GRIA4: variants seen among roughly 807,000 people sequenced by gnomAD.
The protein encoded by GRIA4 is glutamate ionotropic receptor AMPA type subunit 4, also known as glutamate receptor 4.
A neutral mutation model predicts 104.0 loss-of-function variants in GRIA4; 34 were observed. The observed-to-expected ratio is 0.33, with a 90% confidence interval of 0.25 to 0.44. GRIA4 has a LOEUF of 0.44. Ranked by LOEUF, GRIA4 falls within the 20% of genes least tolerant of loss-of-function variation. The probability of loss-of-function intolerance (pLI) is 1.00; values close to 1 mark genes in which losing one functional copy is unlikely to be tolerated. For missense variants in GRIA4, 750 were observed against 1,096.5 expected, an observed-to-expected ratio of 0.68 and a Z score of 4.46; for synonymous variants, 386 against 381.9, an observed-to-expected ratio of 1.01 and a Z score of -0.13.
chr11:105,780,331 G>C (rs1336208898), intron 4 of GRIA4, among the ~76,000 whole-genome samples: 1 of 152,082 alleles, frequency 6.6e-6, no homozygotes, highest in Non-Finnish European at 1.5e-5. Flanking sequence ...CTAATAATCT[G>C]ATGAATTAAG....
chr11:105,720,961 G>A (rs1056131344), intron 3 of GRIA4, among the ~76,000 whole-genome samples: 4 of 152,176 alleles, frequency 2.6e-5, no homozygotes, highest in African/African-American at 9.7e-5. Flanking sequence ...TAGAAAGGCT[G>A]TTGGTTCCCA....
At chr11:105,866,439 GTGTT>G (rs1353607138) in intron 5 of GRIA4, among the ~76,000 whole-genome samples, 9 of 150,968 alleles carry the variant, frequency 6.0e-5, no homozygotes, top group Non-Finnish European at 8.9e-5. Context: ...TTGTGTGTGT[GTGTT>G]TGTGTGTGTG....
At chr11:105,763,495 T>C (rs778663517) in intron 4 of GRIA4, among the ~76,000 whole-genome samples, 2 of 152,186 alleles carry the variant, frequency 1.3e-5, no homozygotes, top group African/African-American at 4.8e-5. Context: ...ACAATAGCCC[T>C]AAAGATTTTT....
At chr11:105,925,240 C>T (rs1947672794) in intron 12 of GRIA4, among the ~76,000 whole-genome samples, 1 of 152,060 alleles carries the variant, frequency 6.6e-6, no homozygotes, top group African/African-American at 2.4e-5. Flanking sequence ...ATAGTAGGTA[C>T]CAGATATACA....
intron 3 of GRIA4, among the ~76,000 whole-genome samples, chr11:105,662,651 C>G (rs961347538): frequency 2.0e-5 from 3 of 151,854 alleles, no homozygotes; most frequent in African/African-American, 7.2e-5. Flanking sequence ...TTTACTCATT[C>G]TGAAGTGAAA....
intron 4 of GRIA4, among the ~76,000 whole-genome samples, chr11:105,779,932 A>G (rs1941650481): frequency 6.6e-6 from 1 of 152,188 alleles, no homozygotes; most frequent in Admixed American, 6.5e-5. Flanking sequence ...TGTCAAAGCT[A>G]TGGAATCTTT....
rs188558919 is a variant in GRIA4, at chr11:105,756,052, T to G, written c.487+2832T>G. Among the ~76,000 whole-genome samples the G allele has an allele frequency of 2.0e-5, 3 of 152,296 alleles. No individual in the cohort carries two copies. In the East Asian group the frequency reaches 5.8e-4, roughly 29 times the overall value. On this transcript the variant is annotated intron_variant, in intron 4 of 16. Coordinates refer to ENST00000282499, the MANE Select transcript of GRIA4 (RefSeq NM_000829.4). ...AATTGCATGAGCCAATTTCTTATAA[T>G]AAATCTCTCTTTATGTATCTGTATA...
intron 3 of GRIA4, among the ~76,000 whole-genome samples, chr11:105,617,235 A>T (rs530687957): frequency 1.4e-4 from 21 of 150,572 alleles, no homozygotes; most frequent in African/African-American, 4.6e-4. Flanking sequence ...ATTTTTTAAA[A>T]CTATATATGT....
intron 4 of GRIA4, among the ~76,000 whole-genome samples, chr11:105,759,143 A>C (rs941449337): frequency 6.6e-6 from 1 of 152,144 alleles, no homozygotes; most frequent in African/African-American, 2.4e-5. Context: ...ATTAGTAAAA[A>C]TTATATTAAG....
chr11:105,956,265 C>G (rs1591484518), intron 14 of GRIA4, among the ~76,000 whole-genome samples: 1 of 151,942 alleles, frequency 6.6e-6, no homozygotes. Context: ...CCGCTCCCCC[C>G]ACCCCACAAC....
chr11:105,862,287 A>T (rs2136021859), intron 5 of GRIA4, 79 bp downstream of exon 5: 2 of 746,764 alleles, frequency 2.7e-6, no homozygotes, highest in East Asian at 5.3e-5. Flanking sequence ...CCCCATCAAC[A>T]TCTTCTCCCA....
chr11:105,643,273 T>C (rs1951424217), intron 3 of GRIA4, among the ~76,000 whole-genome samples: 1 of 152,160 alleles, frequency 6.6e-6, no homozygotes, highest in Non-Finnish European at 1.5e-5. Context: ...CATCATTCTA[T>C]CTGTTTTTTG....
intron 3 of GRIA4, among the ~76,000 whole-genome samples, chr11:105,718,561 C>T (rs1016618790): frequency 2.0e-5 from 3 of 152,090 alleles, no homozygotes; most frequent in East Asian, 3.9e-4. Flanking sequence ...CAACAGAAAA[C>T]GATTGCTGTC....
chr11:105,834,079 C>A (rs185262791), intron 4 of GRIA4, among the ~76,000 whole-genome samples: 1 of 152,024 alleles, frequency 6.6e-6, no homozygotes, highest in African/African-American at 2.4e-5. Flanking sequence ...TTTAGAAACA[C>A]ACAAAATTAT....
chr11:105,668,969 T>C (rs897156045), intron 3 of GRIA4, among the ~76,000 whole-genome samples: 2 of 152,018 alleles, frequency 1.3e-5, no homozygotes, highest in African/African-American at 4.8e-5. Flanking sequence ...GCCACCTAGA[T>C]ATCCCAGACA....
At chr11:105,730,051 A>G (rs1395999842) in intron 3 of GRIA4, among the ~76,000 whole-genome samples, 1 of 152,228 alleles carries the variant, frequency 6.6e-6, no homozygotes, top group Non-Finnish European at 1.5e-5. Context: ...AAGAGAAAGA[A>G]ATAAAGCGTA....
At chr11:105,656,228 A>G (rs1173968478) in intron 3 of GRIA4, among the ~76,000 whole-genome samples, 3 of 152,128 alleles carry the variant, frequency 2.0e-5, no homozygotes, top group Non-Finnish European at 2.9e-5. Flanking sequence ...TCTGGATATT[A>G]CTATCTGATA....
In GRIA4 at chr11:105,724,088, A is replaced by T. The variant is rs149218799; in HGVS notation, c.248-28893A>T. Among the ~76,000 whole-genome samples, 54 of 152,188 alleles carry T rather than the reference A, an allele frequency of 3.5e-4. 2 individuals are homozygous for T. The highest frequency in any genetic ancestry group is 1.3e-3 in the African/African-American group (52 of 41,546). On this transcript the variant is annotated intron_variant, in intron 3 of 16. Transcript: ENST00000282499. ...GGGAATGTAAATTCATATGACGTCT[A>T]TAGAGAACAGTATGGAGATTCCCAA...
chr11:105,699,960 T>C (rs1349448119), intron 3 of GRIA4, among the ~76,000 whole-genome samples: 1 of 152,224 alleles, frequency 6.6e-6, no homozygotes, highest in African/African-American at 2.4e-5. Context: ...CTGTCTGTTT[T>C]ATTCACTGTT....
Sources: gnomAD v4.1 joint callset for allele counts (sites outside exome capture counted in the v4.1 genomes callset) on GRCh38, gnomAD v4.1.1 for gene constraint, MANE v1.5 for transcripts, NCBI Gene and HGNC (gene_info 2026-07-23, HGNC 2026-07-21) for gene names.